The following FANCL variants were observed in gnomAD, a reference collection of about 807,000 sequenced individuals.
The protein encoded by FANCL is FA complementation group L, also known as E3 ubiquitin-protein ligase FANCL.
A neutral mutation model predicts 59.4 loss-of-function variants in FANCL; 69 were observed. The observed-to-expected ratio is 1.16, with a 90% CI of 0.96 to 1.42. The LOEUF is 1.42. FANCL is among the 40% of genes most tolerant of loss of function. The probability of loss-of-function intolerance (pLI) is 0.00; values close to 1 mark genes in which losing one functional copy is unlikely to be tolerated. For missense variants in FANCL, 519 were observed against 447.2 expected, an observed-to-expected ratio of 1.16 and a Z score of -1.45; for synonymous variants, 180 against 147.1, an observed-to-expected ratio of 1.22 and a Z score of -1.62.
chr2:58,213,575 T>C (rs1691397005), intron 5 of FANCL: 1 of 152,076 alleles, frequency 6.6e-6, no homozygotes, highest in African/African-American at 2.4e-5. Flanking sequence ...AAATCGAAAG[T>C]CATTTATTCA....
intron 1 of FANCL, among the ~76,000 whole-genome samples, chr2:58,233,511 A>G (rs866552412): frequency 6.6e-6 from 1 of 152,094 alleles, no homozygotes; most frequent in Non-Finnish European, 1.5e-5. Flanking sequence ...ATCATACCAA[A>G]AAGCTACATC....
intron 7 of FANCL, among the ~76,000 whole-genome samples, 161 bp from the exon 8 acceptor site, chr2:58,166,035 T>G (rs1002810497): frequency 1.3e-5 from 2 of 152,208 alleles, no homozygotes; most frequent in African/African-American, 4.8e-5. Flanking sequence ...TTCACATCTC[T>G]TCCTACAGCG....
In FANCL at chr2:58,161,600, T is replaced by G. The variant is rs1163349462; in HGVS notation, c.942A>C (p.Gln314His). The G allele has an allele frequency of 6.2e-7, 1 of 1,611,658 alleles. No homozygotes were observed. ...CTTGATCAGGAATGGTACCGTCAAG[T>G]TGATAAGCATAACAAATTCCACAAT... is the stretch of plus-strand genomic sequence containing the variant. Reference protein sequence around the residue: ...TMDCGICYAYQLDGTIPDQVC... With the variant: ...TMDCGICYAYHLDGTIPDQVC... Residue 314 changes from glutamine (Q) to histidine (H), a missense_variant, in exon 12 of 14, where the codon CAA becomes CAC. By Grantham distance (24) the Gln-to-His change is conservative (BLOSUM62 0). Transcript: ENST00000233741.
At chr2:58,193,175 A>T (rs1255750123) in intron 7 of FANCL, among the ~76,000 whole-genome samples, 1 of 152,034 alleles carries the variant, frequency 6.6e-6, no homozygotes, top group African/African-American at 2.4e-5. Context: ...CGTAAACCCA[A>T]TTGTAACTAA....
chr2:58,196,856 G>GT (rs1164260379), intron 7 of FANCL, among the ~76,000 whole-genome samples: 2 of 151,732 alleles, frequency 1.3e-5, no homozygotes, highest in East Asian at 1.9e-4. Context: ...CCTGGAAAGA[G>GT]TAACACAACC....
At position 58,162,935 on chromosome 2, in the gene FANCL, A is replaced by G. The variant is rs767072559; in HGVS notation, c.834T>C (p.Asn278=). 3 of 1,612,988 alleles carry G rather than the reference A, an allele frequency of 1.9e-6. No individual in the cohort carries two copies. The highest frequency in any genetic ancestry group is 4.5e-5 in the East Asian group (2 of 44,830). ...SRNIHLWDPE[N]SVLQNLKDVL... is the part of the protein sequence containing the mutation. Reference sequence around the variant, plus strand: ...CATCTTTCAAATTTTGTAACACACTATTTTCTGGATCCCTGAAAGCATGGG... The same window carrying G: ...CATCTTTCAAATTTTGTAACACACTGTTTTCTGGATCCCTGAAAGCATGGG... The change falls in exon 11 of 14, where the codon AAT becomes AAC. Residue 278 remains asparagine (N), a synonymous_variant. Transcript: ENST00000233741.
chr2:58,192,144 C>T (rs572351598), intron 7 of FANCL, among the ~76,000 whole-genome samples: 1 of 151,994 alleles, frequency 6.6e-6, no homozygotes, highest in African/African-American at 2.4e-5. Flanking sequence ...AAAACCTGTT[C>T]CATGCAACTA....
intron 7 of FANCL, among the ~76,000 whole-genome samples, chr2:58,173,168 A>C (rs1325696194): frequency 6.6e-6 from 1 of 152,234 alleles, no homozygotes; most frequent in African/African-American, 2.4e-5. Flanking sequence ...TGATTTGTGT[A>C]CCTGAAAGTG....
intron 6 of FANCL, among the ~76,000 whole-genome samples, chr2:58,202,483 A>G (rs996418047): frequency 6.6e-6 from 1 of 151,762 alleles, no homozygotes; most frequent in African/African-American, 2.4e-5. Flanking sequence ...TCATACCAAC[A>G]TAAGATTCAG....
intron 7 of FANCL, among the ~76,000 whole-genome samples, chr2:58,174,552 A>G (rs1687068482): frequency 1.3e-5 from 2 of 152,200 alleles, no homozygotes; most frequent in African/African-American, 4.8e-5. Context: ...GGTACATAAC[A>G]AAATGAAGGC....
chr2:58,212,246 A>C (rs2105209533), intron 5 of FANCL, among the ~76,000 whole-genome samples: 1 of 152,332 alleles, frequency 6.6e-6, no homozygotes, highest in African/African-American at 2.4e-5. Context: ...AGAATGAGGA[A>C]GATGCAAAAG....
chr2:58,207,339 C>T (rs1036375504), intron 5 of FANCL, among the ~76,000 whole-genome samples: 1 of 152,178 alleles, frequency 6.6e-6, no homozygotes, highest in African/African-American at 2.4e-5. Flanking sequence ...ACGGTAGCCA[C>T]CAGCCACGTG....
At chr2:58,239,014 T>C (rs1055054889) in intron 1 of FANCL, among the ~76,000 whole-genome samples, 1 of 152,148 alleles carries the variant, frequency 6.6e-6, no homozygotes, top group Non-Finnish European at 1.5e-5. Context: ...TCCATTCTAA[T>C]ATAATTAAAT....
At chr2:58,162,587 G>A (rs939783484) in intron 11 of FANCL, among the ~76,000 whole-genome samples, 1 of 151,686 alleles carries the variant, frequency 6.6e-6, no homozygotes, top group Non-Finnish European at 1.5e-5. Flanking sequence ...ACAGAGGGCC[G>A]ACTTCTTCTA....
At chr2:58,167,311 T>C (rs1686056228) in intron 7 of FANCL, among the ~76,000 whole-genome samples, 1 of 152,214 alleles carries the variant, frequency 6.6e-6, no homozygotes, top group South Asian at 2.1e-4. Context: ...TCTGGTATAC[T>C]TTACTTACCT....
At chr2:58,201,588 A>T (rs1328495025) in intron 6 of FANCL, among the ~76,000 whole-genome samples, 1 of 152,044 alleles carries the variant, frequency 6.6e-6, no homozygotes, top group Non-Finnish European at 1.5e-5. Flanking sequence ...TTTGTTTTTC[A>T]AGTAGTACTG....
chr2:58,160,235 C>G, intron 12 of FANCL, 56 bp from the exon 13 acceptor site: 1 of 1,509,436 alleles, frequency 6.6e-7, no homozygotes, highest in Non-Finnish European at 9.2e-7. Context: ...ATTACAGATA[C>G]TCCAAATGTC....
intron 7 of FANCL, among the ~76,000 whole-genome samples, chr2:58,174,244 ACAAGGATACC>A (rs1687020144): frequency 6.6e-6 from 1 of 152,200 alleles, no homozygotes; most frequent in South Asian, 2.1e-4. Context: ...CAGAAAGTTA[ACAAGGATACC>A]CAGGAATTGA....
intron 1 of FANCL, among the ~76,000 whole-genome samples, chr2:58,237,643 A>T (rs1254830337): frequency 6.6e-6 from 1 of 152,142 alleles, no homozygotes; most frequent in Non-Finnish European, 1.5e-5. Flanking sequence ...GAAATCAGTA[A>T]AATTTATAAA....
Sources: allele counts gnomAD v4.1 joint callset (sites outside exome capture counted in the v4.1 genomes callset), GRCh38; gene constraint gnomAD v4.1.1; transcripts MANE v1.5; gene names NCBI Gene and HGNC (gene_info 2026-07-23, HGNC 2026-07-21).